CNTNAP2: variants seen among roughly 807,000 people sequenced by gnomAD.
The protein encoded by CNTNAP2 is contactin associated protein 2, also known as contactin-associated protein-like 2.
In CNTNAP2, 98 loss-of-function variants were observed where a neutral mutation model predicts 155.2. That is an observed-to-expected ratio of 0.63 (90% CI 0.54 to 0.75). The LOEUF (loss-of-function observed/expected upper bound fraction) is 0.75. CNTNAP2 is among the 30% of genes least tolerant of loss of function. CNTNAP2 has a pLI of 0.00. For missense variants in CNTNAP2, 1,727 were observed against 1,688.1 expected (o/e 1.02, Z -0.40); for synonymous variants, 651 against 631.2 (o/e 1.03, Z -0.47).
At chr7:146,570,388 G>A (rs1001361098) in intron 1 of CNTNAP2, among the ~76,000 whole-genome samples, 5 of 152,072 alleles carry the variant, frequency 3.3e-5, no homozygotes, top group African/African-American at 4.8e-5. Context: ...ATGCTTGTGC[G>A]GAGGTAATGC....
At chr7:147,710,847 G>A (rs531543429) in intron 13 of CNTNAP2, among the ~76,000 whole-genome samples, 1 of 152,124 alleles carries the variant, frequency 6.6e-6, no homozygotes, top group African/African-American at 2.4e-5. Flanking sequence ...TCTTTCTCAG[G>A]GGTTCCATTT....
At chr7:146,240,374 A>G (rs887154214) in intron 1 of CNTNAP2, among the ~76,000 whole-genome samples, 2 of 152,152 alleles carry the variant, frequency 1.3e-5, no homozygotes, top group African/African-American at 4.8e-5. Flanking sequence ...AATAAATGCT[A>G]GGTCTAATAT....
intron 21 of CNTNAP2, among the ~76,000 whole-genome samples, chr7:148,305,836 G>C (rs868348572): frequency 6.6e-6 from 1 of 152,010 alleles, no homozygotes; most frequent in Non-Finnish European, 1.5e-5. Flanking sequence ...TTGCGGGGGG[G>C]ACACAGAGCC....
rs1193809306 is a variant in CNTNAP2, at chr7:148,142,091, C to CTGTG, written c.2555-5399_2555-5398insGTGT. 3.0e-4 allele frequency among the ~76,000 whole-genome samples: 30 copies of CTGTG among 100,064 alleles called. 1 individual carries two copies. The highest frequency in any genetic ancestry group is 1.7e-3 in the South Asian group (5 of 2,926). The allele number at this position is 100,064 out of a possible 152,430, so 65.6% of individuals were successfully genotyped here. ...GTGGTTGTTAAGAGTAGAGATATGTCTCTGTGTGTGTGTGTGTGTGTGTGT... is the reference window on the plus strand; with the variant it reads ...GTGGTTGTTAAGAGTAGAGATATGTCTGTGTCTGTGTGTGTGTGTGTGTGTGTGT... On this transcript the variant is annotated intron_variant, in intron 16 of 23. Transcript: ENST00000361727.
intron 6 of CNTNAP2, among the ~76,000 whole-genome samples, chr7:147,124,433 C>T (rs1226165375): frequency 1.3e-5 from 2 of 152,142 alleles, no homozygotes; most frequent in African/African-American, 4.8e-5. Context: ...CAGGAATGCC[C>T]TGATATATAG....
chr7:146,319,956 T>C (rs1177388642), intron 1 of CNTNAP2, among the ~76,000 whole-genome samples: 2 of 152,152 alleles, frequency 1.3e-5, no homozygotes, highest in East Asian at 3.9e-4. Flanking sequence ...CAATTTCCTC[T>C]TAATGTATTT....
chr7:147,456,202 G>A (rs1188499363), intron 10 of CNTNAP2, among the ~76,000 whole-genome samples: 1 of 152,082 alleles, frequency 6.6e-6, no homozygotes, highest in South Asian at 2.1e-4. Context: ...ACAAGATGGT[G>A]CTACCCACTG....
intron 11 of CNTNAP2, among the ~76,000 whole-genome samples, chr7:147,515,940 G>T (rs1349201256): frequency 6.6e-6 from 1 of 151,906 alleles, no homozygotes; most frequent in Non-Finnish European, 1.5e-5. Context: ...AGATAGTTAT[G>T]GTATGATATA....
At chr7:147,579,754 G>T (rs1464609986) in intron 12 of CNTNAP2, among the ~76,000 whole-genome samples, 1 of 152,006 alleles carries the variant, frequency 6.6e-6, no homozygotes, top group Non-Finnish European at 1.5e-5. Flanking sequence ...ACTTGACATT[G>T]CTTCCTACTG....
intron 1 of CNTNAP2, among the ~76,000 whole-genome samples, chr7:146,533,351 C>T (rs530006200): frequency 1.1e-4 from 16 of 151,914 alleles, no homozygotes; most frequent in Admixed American, 2.0e-4. Context: ...TTTAGAAAGA[C>T]TATCCAAAAA....
intron 8 of CNTNAP2, among the ~76,000 whole-genome samples, chr7:147,154,450 A>T (rs1404659142): frequency 6.6e-6 from 1 of 152,170 alleles, no homozygotes. Context: ...GGAAGTATGG[A>T]TTTTTACCTC....
intron 13 of CNTNAP2, among the ~76,000 whole-genome samples, chr7:147,647,692 A>G (rs1364546213): frequency 1.3e-5 from 2 of 152,162 alleles, no homozygotes. Flanking sequence ...CTAGACATCT[A>G]CCTAGATAGT....
At chr7:146,796,783 T>C (rs1216736357) in intron 2 of CNTNAP2, among the ~76,000 whole-genome samples, 1 of 151,964 alleles carries the variant, frequency 6.6e-6, no homozygotes, top group Non-Finnish European at 1.5e-5. Flanking sequence ...GGGGATTACA[T>C]AAGTTAATAC....
At position 147,431,536 on chromosome 7, in the gene CNTNAP2, G is replaced by A. The variant is rs368048966; in HGVS notation, c.1670+35756G>A. Reference sequence around the variant, plus strand: ...TACAATAAAGACTTGTACAAGAGTTGTCTCTAGCTCCACACTGCCACTTAA... The same window carrying A: ...TACAATAAAGACTTGTACAAGAGTTATCTCTAGCTCCACACTGCCACTTAA... On this transcript the variant is annotated intron_variant, in intron 10 of 23. Transcript: ENST00000361727. Among the ~76,000 whole-genome samples, 5 of 152,118 alleles carry A rather than the reference G, an allele frequency of 3.3e-5. No homozygotes were observed. In the East Asian group the frequency reaches 7.7e-4, roughly 23 times the overall value.
At chr7:147,957,633 G>T (rs1248592910) in intron 14 of CNTNAP2, among the ~76,000 whole-genome samples, 1 of 152,078 alleles carries the variant, frequency 6.6e-6, no homozygotes, top group African/African-American at 2.4e-5. Context: ...TATGTATTCA[G>T]TTCCGGTTAA....
At chr7:147,772,236 C>A (rs1360045692) in intron 13 of CNTNAP2, among the ~76,000 whole-genome samples, 1 of 151,076 alleles carries the variant, frequency 6.6e-6, no homozygotes, top group East Asian at 2.0e-4. Context: ...CCAGCCTGAC[C>A]AACATAGTGA....
intron 1 of CNTNAP2, among the ~76,000 whole-genome samples, chr7:146,500,585 G>T (rs180958132): frequency 3.0e-4 from 46 of 152,230 alleles, no homozygotes; most frequent in Middle Eastern, 3.4e-3. Flanking sequence ...TAAAACAAAT[G>T]TAAGTTTCAA....
At chr7:147,501,313 G>T (rs1415156042) in intron 11 of CNTNAP2, among the ~76,000 whole-genome samples, 1 of 151,742 alleles carries the variant, frequency 6.6e-6, no homozygotes, top group Non-Finnish European at 1.5e-5. Context: ...TTCCCTCAAG[G>T]ATCAGGAAAA....
At chr7:146,935,676 G>A (rs995380412) in intron 3 of CNTNAP2, among the ~76,000 whole-genome samples, 3 of 152,132 alleles carry the variant, frequency 2.0e-5, no homozygotes, top group South Asian at 2.1e-4. Context: ...CTAAATAATC[G>A]AATTGCTTTA....
Sources: allele counts gnomAD v4.1 joint callset (sites outside exome capture counted in the v4.1 genomes callset), GRCh38; gene constraint gnomAD v4.1.1; transcripts MANE v1.5; gene names NCBI Gene and HGNC (gene_info 2026-07-23, HGNC 2026-07-21).